UBAP2: variants seen among roughly 807,000 people sequenced by gnomAD.
The protein encoded by UBAP2 is ubiquitin-associated protein 2.
Under a neutral mutation model 139.6 loss-of-function variants are expected in UBAP2, and 75 were observed. The observed-to-expected ratio is 0.54, with a 90% CI of 0.45 to 0.65. The LOEUF is 0.65. Ranked by LOEUF, UBAP2 falls within the 30% of genes least tolerant of loss-of-function variation. The pLI, the probability that UBAP2 is intolerant of heterozygous loss-of-function variation, is 0.00. For missense variants in UBAP2, 1,368 were observed against 1,369.6 expected, an observed-to-expected ratio of 1.00 and a Z score of 0.02; for synonymous variants, 526 against 526.2, an observed-to-expected ratio of 1.00 and a Z score of 0.01.
At chr9:34,046,573 G>A (rs1275751770) in intron 1 of UBAP2, among the ~76,000 whole-genome samples, 2 of 151,066 alleles carry the variant, frequency 1.3e-5, no homozygotes, top group East Asian at 3.9e-4. Flanking sequence ...GAACCCGGGA[G>A]GCGGAGCTTG....
intron 26 of UBAP2, 31 bp from the exon 27 acceptor site, chr9:33,923,064 AGTT>A (rs1292362683): frequency 6.2e-7 from 1 of 1,613,808 alleles, no homozygotes; most frequent in African/African-American, 1.3e-5. Context: ...TCCCCACAGC[AGTT>A]GTTCCCAGCT....
chr9:34,035,514 A>AAAAATATATATATATATATATATATAT, intron 1 of UBAP2, among the ~76,000 whole-genome samples: 1 of 22,474 alleles, frequency 4.4e-5, no homozygotes, highest in Non-Finnish European at 9.8e-5. Context: ...AAAAAAAAAA[A>AAAAATATATATATATATATATATATAT]ATATATATAT....
At chr9:34,043,975 A>C (rs1364857276) in intron 1 of UBAP2, among the ~76,000 whole-genome samples, 1 of 151,142 alleles carries the variant, frequency 6.6e-6, no homozygotes. Context: ...AAAAAATACG[A>C]AAATTATCAG....
chr9:34,024,603 GA>G (rs1392247809), intron 1 of UBAP2, among the ~76,000 whole-genome samples: 1 of 147,826 alleles, frequency 6.8e-6, no homozygotes, highest in East Asian at 2.0e-4. Flanking sequence ...GGATGTGACT[GA>G]AATCTTCTGG....
In UBAP2 at chr9:33,945,431, C is replaced by T. The variant is rs116160521; in HGVS notation, c.1271-792G>A. On this transcript the variant is annotated intron_variant, in intron 13 of 28. Transcript: ENST00000379238. The stretch of plus-strand genomic sequence containing the variant: ...GGCCCTATGACGTGAACCCGGGAGG[C>T]GGAGCTTGCAGTGAGCTGAGATGGC... Among the ~76,000 whole-genome samples, 914 of 151,920 alleles carry T rather than the reference C, an allele frequency of 6.0e-3. 7 individuals are homozygous for T. The highest frequency in any genetic ancestry group is 0.021 in the African/African-American group (865 of 41,430).
intron 17 of UBAP2, 140 bp from the exon 18 acceptor site, chr9:33,933,768 G>A (rs1824209848): frequency 1.7e-6 from 2 of 1,201,062 alleles, no homozygotes; most frequent in South Asian, 3.0e-5. Flanking sequence ...CCAGGAAAAT[G>A]CCAAGCATAT....
At chr9:33,984,444 C>T (rs926888106) in intron 6 of UBAP2, among the ~76,000 whole-genome samples, 21 of 152,028 alleles carry the variant, frequency 1.4e-4, no homozygotes, top group African/African-American at 4.3e-4. Context: ...AGGAGGACAG[C>T]TTGAGGCCAG....
Position 33,932,570 on chromosome 9 carries a change from A to G in UBAP2, c.2167T>C (p.Ser723Pro), listed in dbSNP as rs754006766. 1 of 1,613,892 alleles carries G rather than the reference A, an allele frequency of 6.2e-7. No individual in the cohort carries two copies. ...GCCGCGCAGACACTTACTGTGTGTG[A>G]CGTGCTCGAGGAGAGGGCTGCATGT... ...SAHAALSSST[S>P]HTHASVESAS... is the part of the protein sequence containing the mutation. The change falls in exon 19 of 29, where the codon TCA becomes CCA. Residue 723 changes from serine to proline, a missense_variant. By Grantham distance (74) the Ser-to-Pro change is moderately conservative (BLOSUM62 -1). Transcript: ENST00000379238.
chr9:34,026,004 G>C (rs1825370432), intron 1 of UBAP2, among the ~76,000 whole-genome samples: 3 of 152,122 alleles, frequency 2.0e-5, no homozygotes, highest in African/African-American at 7.2e-5. Flanking sequence ...CAACATTTCT[G>C]TTAAAGCTTA....
At chr9:33,968,386 G>A (rs1307497112) in intron 8 of UBAP2, 1 of 570,156 alleles carries the variant, frequency 1.8e-6, no homozygotes. Flanking sequence ...TTATTCCTCT[G>A]GTGATGAGGA....
chr9:34,018,690 C>T (rs1015789113), intron 1 of UBAP2, among the ~76,000 whole-genome samples: 1 of 151,964 alleles, frequency 6.6e-6, no homozygotes, highest in Non-Finnish European at 1.5e-5. Flanking sequence ...GGTGAAACCC[C>T]GTCTCTACTA....
Position 34,027,861 on chromosome 9 carries a change from C to CA in UBAP2, c.-41-10673dup, listed in dbSNP as rs57271542. Among the ~76,000 whole-genome samples the CA allele has an allele frequency of 9.2e-5, 12 of 129,776 alleles. No homozygotes were observed. The East Asian group carries it at 1.7e-3, about 19-fold the overall frequency. The allele number at this position is 129,776 out of a possible 152,430, so 85.1% of individuals were successfully genotyped here. On this transcript the variant is annotated intron_variant, in intron 1 of 28. Coordinates refer to ENST00000379238, the MANE Select transcript of UBAP2 (RefSeq NM_001370062.2). The stretch of plus-strand genomic sequence containing the variant: ...TGGGCGACAGAGCGAGACTCCATCT[C>CA]AAAAAAAAAAAAAAGAAAAGAAAAG...
At chr9:34,009,696 GCAAT>G (rs1823576512) in intron 2 of UBAP2, among the ~76,000 whole-genome samples, 1 of 151,662 alleles carries the variant, frequency 6.6e-6, no homozygotes, top group African/African-American at 2.4e-5. Flanking sequence ...CTGGACTCAA[GCAAT>G]CCTCCCACCT....
At chr9:33,956,542 T>G (rs1826581667) in intron 10 of UBAP2, among the ~76,000 whole-genome samples, 1 of 152,096 alleles carries the variant, frequency 6.6e-6, no homozygotes, top group South Asian at 2.1e-4. Context: ...TTGCCCAGGA[T>G]AATCTCCAAT....
At chr9:34,000,081 G>A (rs1454923920) in intron 2 of UBAP2, among the ~76,000 whole-genome samples, 1 of 151,956 alleles carries the variant, frequency 6.6e-6, no homozygotes, top group Non-Finnish European at 1.5e-5. Context: ...CTGAGTTGCT[G>A]GGATTACAGG....
intron 16 of UBAP2, among the ~76,000 whole-genome samples, chr9:33,937,131 CAAA>C (rs201060540): frequency 8.0e-5 from 8 of 99,588 alleles, no homozygotes; most frequent in Admixed American, 1.1e-4. Context: ...GGTGGTGATT[CAAA>C]AAAAAAAAAA....
intron 18 of UBAP2, 88 bp downstream of exon 18, chr9:33,933,402 G>A: frequency 7.1e-7 from 1 of 1,416,364 alleles, no homozygotes; most frequent in South Asian, 1.3e-5. Flanking sequence ...GACAACAAGT[G>A]TGCTCTGTTC....
chr9:33,980,737 T>C (rs1378379328), intron 6 of UBAP2, among the ~76,000 whole-genome samples: 2 of 151,802 alleles, frequency 1.3e-5, no homozygotes, highest in Non-Finnish European at 1.5e-5. Flanking sequence ...GGGCGGGTTG[T>C]TTGAGCTCAA....
chr9:34,041,583 G>GCTA (rs1420107880), intron 1 of UBAP2, among the ~76,000 whole-genome samples: 1 of 151,828 alleles, frequency 6.6e-6, no homozygotes. Flanking sequence ...TGTAATCCCA[G>GCTA]CTACTCGGGA....
Sources: gnomAD v4.1 joint callset for allele counts (sites outside exome capture counted in the v4.1 genomes callset) on GRCh38, gnomAD v4.1.1 for gene constraint, MANE v1.5 for transcripts, NCBI Gene and HGNC (gene_info 2026-07-23, HGNC 2026-07-21) for gene names.